The following TTN variants were observed in gnomAD, a reference collection of about 807,000 sequenced individuals.
TTN encodes titin, also known as connectin.
Under a neutral mutation model 3,223.0 loss-of-function variants are expected in TTN, and 1,525 were observed. The observed-to-expected ratio is 0.47, with a 90% CI of 0.45 to 0.49. The LOEUF (loss-of-function observed/expected upper bound fraction) is 0.49. TTN is among the 20% of genes least tolerant of loss of function. TTN has a pLI of 0.00. For synonymous variants in TTN, 14,094 were observed against 15,161.0 expected (o/e 0.93, Z 5.17); for missense variants, 40,786 against 43,424.0 (o/e 0.94, Z 5.40).
Position 178,800,452 on chromosome 2 carries a change from C to T in TTN, c.526G>A (p.Val176Ile). The T allele has an allele frequency of 6.2e-7, 1 of 1,614,148 alleles. No individual in the cohort carries two copies. The highest frequency in any genetic ancestry group is 8.5e-7 in the Non-Finnish European group (1 of 1,180,002). The change falls in exon 4 of 363, where the codon GTA (valine) becomes ATA (isoleucine). Residue 176 changes from valine (V) to isoleucine (I), a missense_variant. Val to Ile is a conservative substitution (Grantham distance 29). Transcript: ENST00000589042. The part of the protein sequence containing the change: ...AYPEDSGTYS[V>I]NATNSVGRAT... ...CTTCCAACGCTATTGGTGGCATTTACTGAATAGGTCCCTGAGTCCTCAGGG... is the reference window on the plus strand; with the variant it reads ...CTTCCAACGCTATTGGTGGCATTTATTGAATAGGTCCCTGAGTCCTCAGGG...
chr2:178,763,848 CATTGT>C (rs1277557376), intron 43 of TTN, among the ~76,000 whole-genome samples: 1 of 152,024 alleles, frequency 6.6e-6, no homozygotes, highest in Non-Finnish European at 1.5e-5. Context: ...TTAGTTTTGT[CATTGT>C]ATTTTATCAA....
intron 135 of TTN, among the ~76,000 whole-genome samples, chr2:178,682,253 A>G (rs575675673): frequency 5.1e-4 from 77 of 152,150 alleles, no homozygotes; most frequent in African/African-American, 7.2e-4. Flanking sequence ...GTCATTGTCA[A>G]GTTTTGATAA....
rs2078578017 is a variant in TTN, at chr2:178,722,536, G to A, written c.22251C>T (p.Leu7417=). ...TTAATTGTCTTGCAAAAGAAGGTGG[G>A]AGTTGGCGCTCTGTAGGGAGACATG... ...KTVFRIQERQ[L]PPSFARQLKD... The change falls in exon 77 of 363, where the codon CTC becomes CTT. Residue 7417 remains leucine, a synonymous_variant. Transcript: ENST00000589042. 6.2e-7 allele frequency: 1 copy of A among 1,611,520 alleles called. No homozygotes were observed.
Position 178,745,087 on chromosome 2 carries a change from C to G in TTN, c.11312-3166G>C, listed in dbSNP as rs1286675113. 9 of 987,670 alleles carry G rather than the reference C, an allele frequency of 9.1e-6. No individual in the cohort carries two copies. The African/African-American group carries it at 1.4e-4, about 15-fold the overall frequency. The allele number at this position is 987,670 out of a possible 1,614,324, so 61.2% of individuals were successfully genotyped here. On this transcript the variant is annotated intron_variant, in intron 47 of 362. Coordinates refer to ENST00000589042, the MANE Select transcript of TTN (RefSeq NM_001267550.2). ...GTTTTTGTTGTTTGTTTTGCCTATT[C>G]TAAGTCAAAGTAAATAAACATGAGT... is the stretch of plus-strand genomic sequence containing the variant.
At chr2:178,578,577 T>C (rs1299987218) in intron 321 of TTN, 34 bp downstream of exon 321, 8 of 1,488,666 alleles carry the variant, frequency 5.4e-6, no homozygotes, top group East Asian at 2.3e-5. Context: ...GGAATCTTGA[T>C]GTAAAAGCTG....
Position 178,785,904 on chromosome 2 carries a change from G to A in TTN, c.2314C>T (p.Pro772Ser), listed in dbSNP as rs772005129. The part of the protein sequence containing the change: ...KAVKPRVIQA[P>S]SETHIKTTDQ... ...GTAGTTTTGATATGAGTCTCAGAAG[G>A]AGCCTGGATTACTCTAGGCTTGACT... The change falls in exon 14 of 363, where the codon CCT becomes TCT. Residue 772 changes from proline (P) to serine (S), a missense_variant. By Grantham distance (74) the Pro-to-Ser change is moderately conservative. Transcript: ENST00000589042. The A allele has an allele frequency of 1.2e-6, 2 of 1,614,146 alleles. No individual in the cohort carries two copies. The highest frequency in any genetic ancestry group is 1.3e-5 in the African/African-American group (1 of 75,048).
At chr2:178,739,051 G>A in intron 48 of TTN, 90 bp downstream of exon 48, 2 of 1,366,746 alleles carry the variant, frequency 1.5e-6, no homozygotes, top group Non-Finnish European at 9.6e-7. Context: ...TCTGGAAGTG[G>A]CAGATAAGTG....
At position 178,675,725 on chromosome 2, in the gene TTN, C is replaced by T; in HGVS notation, c.34483G>A (p.Glu11495Lys). 7.0e-7 allele frequency: 1 copy of T among 1,432,104 alleles called. No homozygotes were observed. The highest frequency in any genetic ancestry group is 9.1e-7 in the Non-Finnish European group (1 of 1,102,142). 88.7% of individuals were successfully genotyped at this position (1,432,104 alleles called of 1,614,324 possible). A position where few individuals can be genotyped will look rare whatever the true frequency, so the allele number is the denominator to read the frequency against. ...AGACCAGGAGGAGGGACCTTCTTTT[C>T]TGGCTCAGGTTTCTTAGGTACCACA... ...VSVVPKKPEPEKKVPPPGLKK... is the reference protein window; with the variant it reads ...VSVVPKKPEPKKKVPPPGLKK... Residue 11495 changes from glutamate to lysine, a missense_variant, in exon 149 of 363, where the codon GAA becomes AAA. By Grantham distance (56) the Glu-to-Lys change is moderately conservative. Coordinates refer to ENST00000589042, the MANE Select transcript of TTN (RefSeq NM_001267550.2).
intron 134 of TTN, 96 bp downstream of exon 134, chr2:178,683,114 CA>C: frequency 1.0e-6 from 1 of 997,552 alleles, no homozygotes; most frequent in Non-Finnish European, 1.6e-6. Context: ...CCTTAATCAA[CA>C]ATAAGCTAAT....
chr2:178,549,771 G>A lies in TTN; in HGVS notation c.91951C>T (p.Pro30651Ser), dbSNP rs927540266. 9 of 1,613,044 alleles carry A rather than the reference G, an allele frequency of 5.6e-6. No homozygotes were observed. The highest frequency in any genetic ancestry group is 1.7e-4 in the Middle Eastern group (1 of 6,052). ...TTTTCAATGATGTAGTGGGTTATGG[G>A]AGCACAACCGTCATTGAGTGGGGCA... ...WDAPLNDGCA[P>S]ITHYIIEKRE... Residue 30651 changes from proline to serine, a missense_variant, in exon 338 of 363, where the codon CCC becomes TCC. By Grantham distance (74) the Pro-to-Ser change is moderately conservative (BLOSUM62 -1). Coordinates refer to ENST00000589042, the MANE Select transcript of TTN (RefSeq NM_001267550.2).
Position 178,630,207 on chromosome 2 carries a change from T to C in TTN, c.44281+34A>G, listed in dbSNP as rs2059628648. 1.9e-6 allele frequency: 3 copies of C among 1,610,570 alleles called. No homozygotes were observed. The African/African-American group carries it at 4.0e-5, about 22-fold the overall frequency. Reference sequence around the variant, plus strand: ...CACATTCATTTTCTGAAAAAGTGTTTATTTAATTTCCCTGAAAAATATACA... The same window carrying C: ...CACATTCATTTTCTGAAAAAGTGTTCATTTAATTTCCCTGAAAAATATACA... On this transcript the variant is annotated intron_variant, in intron 239 of 362. Coordinates refer to ENST00000589042, the MANE Select transcript of TTN (RefSeq NM_001267550.2).
At position 178,770,309 on chromosome 2, in the gene TTN, T is replaced by G; in HGVS notation, c.8392A>C (p.Ile2798Leu). ...GCTGTCACATCCTTTGGCTTTTTAATGATCTTGACAGCTAAGAGGAAAATT... is the reference window on the plus strand; with the variant it reads ...GCTGTCACATCCTTTGGCTTTTTAAGGATCTTGACAGCTAAGAGGAAAATT... ...ARLHVETVKIIKKPKDVTALE... is the reference protein window; with the variant it reads ...ARLHVETVKILKKPKDVTALE... The change falls in exon 36 of 363, where the codon ATT becomes CTT. Residue 2798 changes from isoleucine (I) to leucine (L), a missense_variant. Ile to Leu is a conservative substitution (Grantham distance 5). Transcript: ENST00000589042. 6.2e-7 allele frequency: 1 copy of G among 1,614,176 alleles called. No individual in the cohort carries two copies. Among genetic ancestry groups the G allele is most frequent in the Non-Finnish European group, 8.5e-7 (1 of 1,180,024 alleles).
At chr2:178,545,165 T>C (rs531907304) in intron 344 of TTN, among the ~76,000 whole-genome samples, 2 of 152,334 alleles carry the variant, frequency 1.3e-5, no homozygotes, top group African/African-American at 4.8e-5. Flanking sequence ...TTTTCATTAA[T>C]TGGAAAATGC....
rs1261567217 is a variant in TTN at position 178,565,693 on chromosome 2, C to T, written c.80439G>A (p.Leu26813=). The T allele has an allele frequency of 1.2e-6, 2 of 1,613,482 alleles. No individual in the cohort carries two copies. Among genetic ancestry groups the T allele is most frequent in the African/African-American group, 2.7e-5 (2 of 74,884 alleles). Residue 26813 remains leucine (L), a synonymous_variant, in exon 326 of 363, where the codon CTG becomes CTA. Transcript: ENST00000589042. ...TGGGCTGCATTTCAACAACGTACCCCAGGACTCTGCTACCGCCATCATGTT... is the reference window on the plus strand; with the variant it reads ...TGGGCTGCATTTCAACAACGTACCCTAGGACTCTGCTACCGCCATCATGTT... ...KPEHDGGSRV[L]GYVVEMQPKG... is the part of the protein sequence containing the mutation.
Position 178,614,761 on chromosome 2 carries a change from G to A in TTN, c.48761-8C>T, listed in dbSNP as rs1441288035. ...GGAAGATTTCTGGGGCCTCTGAATT[G>A]GAAAAGATTATTTATGATGTTATCA... On this transcript the variant is annotated splice_polypyrimidine_tract_variant and splice_region_variant and intron_variant, in intron 260 of 362. Coordinates refer to ENST00000589042, the MANE Select transcript of TTN (RefSeq NM_001267550.2). 9 of 1,603,800 alleles carry A rather than the reference G, an allele frequency of 5.6e-6. No individual in the cohort carries two copies. Among genetic ancestry groups the A allele is most frequent in the Non-Finnish European group, 6.0e-6 (7 of 1,175,056 alleles).
At position 178,611,675 on chromosome 2, in the gene TTN, G is replaced by T. The variant is rs752660748; in HGVS notation, c.50554C>A (p.Pro16852Thr). The T allele has an allele frequency of 6.2e-7, 1 of 1,612,442 alleles. No homozygotes were observed. Among genetic ancestry groups the T allele is most frequent in the African/African-American group, 1.3e-5 (1 of 74,794 alleles). Residue 16852 changes from proline to threonine, a missense_variant and splice_region_variant, in exon 269 of 363, where the codon CCT becomes ACT. Physicochemically the swap from Pro to Thr is conservative, Grantham distance 38. Transcript: ENST00000589042. ...TGTAGGTCAAGGGGTGGTGAGGGAG[G>T]ACCTGAGAAAAGAGTGAAATATTCA... ...EILSIEDPTS[P>T]PSPPLDLHVT...
At chr2:178,748,034 G>C (rs757564665) in intron 47 of TTN, 1 of 1,612,960 alleles carries the variant, frequency 6.2e-7, no homozygotes, top group Non-Finnish European at 8.5e-7. Flanking sequence ...TGCCAACTCT[G>C]GTTCTAGAGT....
chr2:178,687,713 TGTG>T (rs2071273706), intron 127 of TTN, among the ~76,000 whole-genome samples: 1 of 152,218 alleles, frequency 6.6e-6, no homozygotes, highest in Admixed American at 6.5e-5. Context: ...GTCTGTGGAT[TGTG>T]GTACAAGCAA....
Position 178,727,281 on chromosome 2 carries a change from G to A in TTN, c.20084C>T (p.Pro6695Leu). The A allele has an allele frequency of 6.2e-7, 1 of 1,613,028 alleles. No homozygotes were observed. The highest frequency in any genetic ancestry group is 8.5e-7 in the Non-Finnish European group (1 of 1,179,386). The change falls in exon 69 of 363, where the codon CCA (proline) becomes CTA (leucine). Residue 6695 changes from proline (P) to leucine (L), a missense_variant. Pro to Leu is a moderately conservative substitution (Grantham distance 98, BLOSUM62 -3). Coordinates refer to ENST00000589042, the MANE Select transcript of TTN (RefSeq NM_001267550.2). ...TCGGAACCACACAACTCTGATTTCT[G>A]GGGATCCAGCTATCTTGCATTCAAG... ...SRLECKIAGS[P>L]EIRVVWFRNE...
Sources: allele counts gnomAD v4.1 joint callset (sites outside exome capture counted in the v4.1 genomes callset), GRCh38; gene constraint gnomAD v4.1.1; transcripts MANE v1.5; gene names NCBI Gene and HGNC (gene_info 2026-07-23, HGNC 2026-07-21).